ARHGAP6: variants seen among roughly 807,000 people sequenced by gnomAD.
ARHGAP6 encodes the protein Rho GTPase activating protein 6.
A neutral mutation model predicts 55.7 loss-of-function variants in ARHGAP6; 16 were observed. That is an observed-to-expected ratio of 0.29 (90% CI 0.19 to 0.44). The LOEUF (loss-of-function observed/expected upper bound fraction) is 0.44, where lower values mean the gene tolerates loss of function less well. Ranked by LOEUF, ARHGAP6 falls within the 20% of genes least tolerant of loss-of-function variation. The pLI, the probability that ARHGAP6 is intolerant of heterozygous loss-of-function variation, is 1.00. For missense variants in ARHGAP6, 698 were observed against 808.9 expected, an observed-to-expected ratio of 0.86 and a Z score of 1.66; for synonymous variants, 382 against 360.9, an observed-to-expected ratio of 1.06 and a Z score of -0.66.
chrX:11,161,432 G>A (rs911654035), intron 9 of ARHGAP6, among the ~76,000 whole-genome samples: 7 of 111,146 alleles, frequency 6.3e-5, no homozygotes, highest in African/African-American at 2.3e-4. Context: ...AAAAAAATCT[G>A]ACTGAGGCAA....
At chrX:11,245,686 T>A (rs1160021581) in intron 2 of ARHGAP6, among the ~76,000 whole-genome samples, 1 of 111,920 alleles carries the variant, frequency 8.9e-6, no homozygotes, top group Non-Finnish European at 1.9e-5. Context: ...GAGAATCAGA[T>A]AGAAGAGGAT....
At chrX:11,494,680 G>A (rs1163461990) in intron 1 of ARHGAP6, among the ~76,000 whole-genome samples, 1 of 111,939 alleles carries the variant, frequency 8.9e-6, no homozygotes, top group Non-Finnish European at 1.9e-5. Flanking sequence ...AGGCTTTGAG[G>A]AACCTGAAAG....
intron 1 of ARHGAP6, among the ~76,000 whole-genome samples, chrX:11,585,104 C>T (rs1004732633): frequency 2.7e-5 from 3 of 112,415 alleles, no homozygotes; most frequent in Non-Finnish European, 3.8e-5. Context: ...CTGCAAAGGA[C>T]ATAATCTCCC....
chrX:11,237,686 T>G, intron 2 of ARHGAP6, among the ~76,000 whole-genome samples: 1 of 112,111 alleles, frequency 8.9e-6, no homozygotes, highest in East Asian at 2.8e-4. Context: ...CACAGCTGCC[T>G]TACTATGTAT....
chrX:11,513,419 A>G (rs1198526335), intron 1 of ARHGAP6, among the ~76,000 whole-genome samples: 1 of 112,120 alleles, frequency 8.9e-6, no homozygotes, highest in Non-Finnish European at 1.9e-5. Context: ...GCAAGACTCA[A>G]GACCACGTTT....
At chrX:11,590,318 C>A (rs2051789648) in intron 1 of ARHGAP6, among the ~76,000 whole-genome samples, 1 of 111,505 alleles carries the variant, frequency 9.0e-6, no homozygotes, top group Admixed American at 9.6e-5. Flanking sequence ...ATTTCCAAAG[C>A]TCTGTTTTAT....
At chrX:11,209,593 T>C (rs2046759430) in intron 2 of ARHGAP6, among the ~76,000 whole-genome samples, 1 of 112,910 alleles carries the variant, frequency 8.9e-6, no homozygotes, top group Admixed American at 9.4e-5. Flanking sequence ...TAATTTTGTT[T>C]TATAATGTGA....
intron 1 of ARHGAP6, among the ~76,000 whole-genome samples, chrX:11,394,008 T>C (rs1010062308): frequency 6.3e-5 from 7 of 111,265 alleles, no homozygotes; most frequent in Admixed American, 9.6e-5. Flanking sequence ...TCTCAGAAGG[T>C]AGGGTGAGTA....
chrX:11,188,302 T>C (rs951540290), intron 4 of ARHGAP6, among the ~76,000 whole-genome samples: 3 of 112,115 alleles, frequency 2.7e-5, no homozygotes, highest in Non-Finnish European at 3.8e-5. Context: ...AAAAAGCTCA[T>C]TGTTTATGAA....
chrX:11,581,711 T>C (rs1056429724), intron 1 of ARHGAP6, among the ~76,000 whole-genome samples: 4 of 111,015 alleles, frequency 3.6e-5, no homozygotes, highest in African/African-American at 1.3e-4. Context: ...ATGTCCGGAA[T>C]AGGCAAATCT....
intron 1 of ARHGAP6, among the ~76,000 whole-genome samples, chrX:11,362,246 G>A (rs1202778332): frequency 9.0e-6 from 1 of 111,671 alleles, no homozygotes. Flanking sequence ...CAAAGTCTTG[G>A]AACCAACCCA....
chrX:11,585,280 C>A, intron 1 of ARHGAP6, among the ~76,000 whole-genome samples: 1 of 111,983 alleles, frequency 8.9e-6, no homozygotes, highest in Non-Finnish European at 1.9e-5. Context: ...AATCTGTATT[C>A]CTTTGGGTAT....
intron 1 of ARHGAP6, among the ~76,000 whole-genome samples, chrX:11,471,897 C>T (rs1443481404): frequency 9.0e-6 from 1 of 111,284 alleles, no homozygotes; most frequent in Non-Finnish European, 1.9e-5. Flanking sequence ...AAGGACAGAT[C>T]CAGGGCTTGA....
chrX:11,328,544 T>G (rs887814384), intron 1 of ARHGAP6, among the ~76,000 whole-genome samples: 1 of 112,243 alleles, frequency 8.9e-6, no homozygotes, highest in Non-Finnish European at 1.9e-5. Context: ...CTGAATTCAG[T>G]GCCTGACCAC....
At chrX:11,385,905 C>G (rs2049322974) in intron 1 of ARHGAP6, among the ~76,000 whole-genome samples, 1 of 112,192 alleles carries the variant, frequency 8.9e-6, no homozygotes, top group African/African-American at 3.2e-5. Flanking sequence ...GCTTGATATA[C>G]TAGTATTACA....
intron 1 of ARHGAP6, among the ~76,000 whole-genome samples, chrX:11,413,160 G>C (rs1404305409): frequency 1.8e-5 from 2 of 112,274 alleles, no homozygotes; most frequent in Non-Finnish European, 3.8e-5. Flanking sequence ...AAACCAAAAA[G>C]AATTCCAGGT....
chrX:11,616,699 T>G (rs2052169518), intron 1 of ARHGAP6, among the ~76,000 whole-genome samples: 1 of 111,771 alleles, frequency 8.9e-6, no homozygotes, highest in Non-Finnish European at 1.9e-5. Context: ...CTAACACACT[T>G]TCTATGTTTA....
At chrX:11,432,635 G>A (rs1041092571) in intron 1 of ARHGAP6, among the ~76,000 whole-genome samples, 1 of 112,032 alleles carries the variant, frequency 8.9e-6, no homozygotes, top group Non-Finnish European at 1.9e-5. Context: ...TCTTTTTTAA[G>A]TCTTTTTCAT....
intron 1 of ARHGAP6, among the ~76,000 whole-genome samples, chrX:11,561,638 T>C (rs1424116773): frequency 8.9e-6 from 1 of 112,314 alleles, no homozygotes; most frequent in Non-Finnish European, 1.9e-5. Flanking sequence ...AATAACATGT[T>C]TTGAAAATTG....
Sources: allele counts gnomAD v4.1 joint callset (sites outside exome capture counted in the v4.1 genomes callset), GRCh38; gene constraint gnomAD v4.1.1; transcripts MANE v1.5; gene names NCBI Gene and HGNC (gene_info 2026-07-23, HGNC 2026-07-21).